The following MYLIP variants were observed in gnomAD, a reference collection of about 807,000 sequenced individuals.
The protein encoded by MYLIP is E3 ubiquitin-protein ligase MYLIP.
A neutral mutation model predicts 45.8 loss-of-function variants in MYLIP; 26 were observed. The ratio of observed to expected loss-of-function variants is 0.57; its 90% CI spans 0.42 to 0.79. The LOEUF is 0.79. MYLIP is among the 30% of genes least tolerant of loss of function. The pLI is 0.00. For missense variants in MYLIP, 494 were observed against 555.6 expected (o/e 0.89, Z 1.11); for synonymous variants, 213 against 218.1 (o/e 0.98, Z 0.21).
At position 16,129,184 on chromosome 6, in the gene MYLIP, C is replaced by G; in HGVS notation, c.-139C>G. The G allele has an allele frequency of 1.2e-6, 1 of 861,150 alleles. No individual in the cohort carries two copies. Among genetic ancestry groups the G allele is most frequent in the Middle Eastern group, 3.5e-4 (1 of 2,852 alleles). 53.3% of individuals were successfully genotyped at this position (861,150 alleles called of 1,614,324 possible). On this transcript the variant is annotated 5_prime_UTR_variant, in exon 1 of 7. Transcript: ENST00000356840. This position sits in a 1 kb window ranked among gnomAD's most constrained non-coding sequence, Gnocchi z 5.1. Reference sequence around the variant, plus strand: ...GGGACGCGAGTGGCGGCCGCGGGGCCCCGGACAAGGGTCCGCAGAGCTGCA... The same window carrying G: ...GGGACGCGAGTGGCGGCCGCGGGGCGCCGGACAAGGGTCCGCAGAGCTGCA...
chr6:16,144,712 G>T (rs942462144), intron 5 of MYLIP, among the ~76,000 whole-genome samples, 185 bp from the exon 6 acceptor site: 1 of 152,164 alleles, frequency 6.6e-6, no homozygotes, highest in East Asian at 1.9e-4. Flanking sequence ...GTCAGGAGAT[G>T]TTAGAGAAAC....
intron 2 of MYLIP, among the ~76,000 whole-genome samples, chr6:16,135,771 A>ATTC: frequency 2.0e-5 from 3 of 146,396 alleles, no homozygotes; most frequent in South Asian, 4.2e-4. Flanking sequence ...ATATATATAT[A>ATTC]TATATATGTA....
chr6:16,160,556 C>A, the MYLIP span, among the ~76,000 whole-genome samples: 1 of 152,128 alleles, frequency 6.6e-6, no homozygotes, highest in African/African-American at 2.4e-5. Context: ...AATCCCAGCA[C>A]TTTGGGAGGC....
the MYLIP span, among the ~76,000 whole-genome samples, chr6:16,163,147 C>T: frequency 2.6e-5 from 4 of 152,312 alleles, no homozygotes; most frequent in African/African-American, 9.6e-5. Flanking sequence ...CCAGCCCTTA[C>T]CATCTCCTGT....
intron 2 of MYLIP, among the ~76,000 whole-genome samples, chr6:16,138,919 C>T (rs2113538163): frequency 6.6e-6 from 1 of 152,262 alleles, no homozygotes; most frequent in Middle Eastern, 3.4e-3. Context: ...AATTCTGGCC[C>T]ATATGCTGAG....
chr6:16,132,080 T>C (rs1264714330), intron 2 of MYLIP, among the ~76,000 whole-genome samples: 6 of 152,326 alleles, frequency 3.9e-5, no homozygotes, highest in African/African-American at 1.4e-4. Flanking sequence ...TATTGGAATT[T>C]TCATTGTGTA....
Position 16,143,855 on chromosome 6 carries a change from A to C in MYLIP, c.819A>C (p.Ala273=), listed in dbSNP as rs754869754. The C allele has an allele frequency of 1.9e-6, 3 of 1,611,928 alleles. No individual in the cohort carries two copies. In the Admixed American group the frequency reaches 5.0e-5, roughly 27 times the overall value. Residue 273 remains alanine (A), a synonymous_variant, in exon 5 of 7, where the codon GCA becomes GCC. Coordinates refer to ENST00000356840, the MANE Select transcript of MYLIP (RefSeq NM_013262.4). ...GLYRAITETH[A]FYRCDTVTSA... ...ACCGAGCGATAACAGAGACGCACGC[A>C]TTCTACAGGCACGTATCTCGTGTGC...
downstream of MYLIP, among the ~76,000 whole-genome samples, chr6:16,152,519 C>A (rs1163187174): frequency 1.3e-5 from 2 of 152,170 alleles, no homozygotes; most frequent in African/African-American, 4.8e-5. Context: ...TACAGTATAA[C>A]ACCCCCTACA....
At chr6:16,155,702 G>A in the MYLIP span, among the ~76,000 whole-genome samples, 215 of 152,344 alleles carry the variant, frequency 1.4e-3, 1 homozygote, top group African/African-American at 4.8e-3. Context: ...ATGCACAGGT[G>A]AGTGGATGCA....
chr6:16,158,214 G>A, the MYLIP span, among the ~76,000 whole-genome samples: 4 of 152,324 alleles, frequency 2.6e-5, no homozygotes, highest in South Asian at 8.3e-4. Context: ...CACCGTCCCC[G>A]CCACTGAAGC....
intron 2 of MYLIP, among the ~76,000 whole-genome samples, chr6:16,131,181 GTTAC>G (rs1006770205): frequency 5.3e-5 from 8 of 152,168 alleles, no homozygotes; most frequent in African/African-American, 1.7e-4. Flanking sequence ...TTCCTCTTGG[GTTAC>G]TTAAACTTGG....
In MYLIP at chr6:16,143,138, A is replaced by C; in HGVS notation, c.583A>C (p.Ser195Arg). ...CATAGAATGGCATTCTGTGCGGGAT[A>C]GCGAAGGGCAGAAACTGCTCATTGG... is the stretch of plus-strand genomic sequence containing the variant. Reference protein sequence around the residue: ...YGIEWHSVRDSEGQKLLIGVG... With the variant: ...YGIEWHSVRDREGQKLLIGVG... The change falls in exon 4 of 7, where the codon AGC (serine) becomes CGC (arginine). Residue 195 changes from serine (S) to arginine (R), a missense_variant. Coordinates refer to ENST00000356840, the MANE Select transcript of MYLIP (RefSeq NM_013262.4). 2 of 1,614,222 alleles carry C rather than the reference A, an allele frequency of 1.2e-6. No homozygotes were observed. Among genetic ancestry groups the C allele is most frequent in the Non-Finnish European group, 1.7e-6 (2 of 1,180,042 alleles).
rs899986106 is a variant in MYLIP, at chr6:16,129,568, G to T, written c.87+159G>T. 1.3e-5 allele frequency among the ~76,000 whole-genome samples: 2 copies of T among 152,116 alleles called. No homozygotes were observed. The highest frequency in any genetic ancestry group is 6.5e-5 in the Admixed American group (1 of 15,280). On this transcript the variant is annotated intron_variant, in intron 1 of 6. Coordinates refer to ENST00000356840, the MANE Select transcript of MYLIP (RefSeq NM_013262.4). This position sits in a 1 kb window ranked among gnomAD's most constrained non-coding sequence, Gnocchi z 5.1. ...CCCCTCCTCTCCACGGGCGTGGGGC[G>T]CGCGGTCTCCTCCTGGCGCGCGTGG... is the stretch of plus-strand genomic sequence containing the variant.
At chr6:16,149,745 A>G (rs2113587084), downstream of MYLIP, among the ~76,000 whole-genome samples, 1 of 152,350 alleles carries the variant, frequency 6.6e-6, no homozygotes, top group East Asian at 1.9e-4. Context: ...CAGAGAACTC[A>G]ATTTTGACCA....
At chr6:16,158,325 A>G in the MYLIP span, among the ~76,000 whole-genome samples, 1 of 152,214 alleles carries the variant, frequency 6.6e-6, no homozygotes, top group African/African-American at 2.4e-5. Context: ...TTTTCTCAGT[A>G]TTTGCGACTT....
Position 16,143,133 on chromosome 6 carries a change from G to T in MYLIP, c.578G>T (p.Arg193Leu), listed in dbSNP as rs762986029. 1.9e-6 allele frequency: 3 copies of T among 1,614,040 alleles called. No homozygotes were observed. The highest frequency in any genetic ancestry group is 2.5e-6 in the Non-Finnish European group (3 of 1,180,038). The change falls in exon 4 of 7, where the codon CGG becomes CTG. Residue 193 changes from arginine (R) to leucine (L), a missense_variant. Coordinates refer to ENST00000356840, the MANE Select transcript of MYLIP (RefSeq NM_013262.4). ...TATGGCATAGAATGGCATTCTGTGC[G>T]GGATAGCGAAGGGCAGAAACTGCTC... is the stretch of plus-strand genomic sequence containing the variant. ...ENYGIEWHSV[R>L]DSEGQKLLIG...
chr6:16,141,652 G>T lies in MYLIP; in HGVS notation c.306G>T (p.Glu102Asp). 6.2e-7 allele frequency: 1 copy of T among 1,613,448 alleles called. No individual in the cohort carries two copies. The highest frequency in any genetic ancestry group is 8.5e-7 in the Non-Finnish European group (1 of 1,179,504). Residue 102 changes from glutamate to aspartate, a missense_variant, in exon 3 of 7, where the codon GAG becomes GAT. Glu to Asp is a conservative substitution (Grantham distance 45). Transcript: ENST00000356840. Reference protein sequence around the residue: ...TRHIFFLHIKEALLAGHLLCS... With the variant: ...TRHIFFLHIKDALLAGHLLCS... ...ATATCTTTTTCTTGCACATCAAGGAGGCCCTCTTGGCAGGCCACCTCTTGT... is the reference window on the plus strand; with the variant it reads ...ATATCTTTTTCTTGCACATCAAGGATGCCCTCTTGGCAGGCCACCTCTTGT...
chr6:16,150,445 G>A (rs1759862306), downstream of MYLIP, among the ~76,000 whole-genome samples: 1 of 152,164 alleles, frequency 6.6e-6, no homozygotes, highest in South Asian at 2.1e-4. Flanking sequence ...GGTCAGTCAA[G>A]GAGATGGCAC....
Position 16,145,295 on chromosome 6 carries a change from AGAGCTGC to A in MYLIP, c.1228_1234del (p.Ser410ProfsTer31). ...CCCTGTGGCCACACTGTGTGCTGTG[AGAGCTGC>A]GCCGCCCAGCTACAGGTAGGGGAGT... is the stretch of plus-strand genomic sequence containing the variant. On this transcript the variant is annotated frameshift_variant, in exon 6 of 7. Transcript: ENST00000356840. LOFTEE classifies it high-confidence loss of function. 6.3e-7 allele frequency: 1 copy of A among 1,596,474 alleles called. No individual in the cohort carries two copies.
Sources: gnomAD v4.1 joint callset for allele counts (sites outside exome capture counted in the v4.1 genomes callset) on GRCh38, gnomAD v4.1.1 for gene constraint, Gnocchi (gnomAD v3.1) non-coding constraint, MANE v1.5 for transcripts, NCBI Gene and HGNC (gene_info 2026-07-23, HGNC 2026-07-21) for gene names.